Variants in RALGPS2 observed in about 807,000 individuals in gnomAD.
RALGPS2 encodes the protein Ral GEF with PH domain and SH3 binding motif 2.
In RALGPS2, 43 loss-of-function variants were observed where a neutral mutation model predicts 86.8. The ratio of observed to expected loss-of-function variants is 0.50; its 90% CI spans 0.39 to 0.64. The LOEUF (loss-of-function observed/expected upper bound fraction) is 0.64. Ranked by LOEUF, RALGPS2 falls within the 30% of genes least tolerant of loss-of-function variation. The pLI, the probability that RALGPS2 is intolerant of heterozygous loss-of-function variation, is 0.00. For missense variants in RALGPS2, 536 were observed against 694.6 expected (o/e 0.77, Z 2.57); for synonymous variants, 243 against 231.3 (o/e 1.05, Z -0.46).
intron 2 of RALGPS2, among the ~76,000 whole-genome samples, chr1:178,783,297 A>G (rs577823275): frequency 1.6e-4 from 24 of 152,300 alleles, no homozygotes; most frequent in African/African-American, 5.8e-4. Flanking sequence ...AAGACTTGTC[A>G]GTAAAACTTC....
At chr1:178,818,765 C>T (rs1357859487) in intron 6 of RALGPS2, among the ~76,000 whole-genome samples, 1 of 152,174 alleles carries the variant, frequency 6.6e-6, no homozygotes, top group East Asian at 1.9e-4. Context: ...CGTATGCCCT[C>T]AGGGAGGAAA....
intron 4 of RALGPS2, among the ~76,000 whole-genome samples, chr1:178,790,634 C>T (rs1045767428): frequency 6.6e-5 from 10 of 152,180 alleles, no homozygotes; most frequent in African/African-American, 2.4e-4. Context: ...TCGTAGCATG[C>T]TTTTGATGTT....
rs76931479 is a variant in RALGPS2 at position 178,745,561 on chromosome 1, A to G, written c.-84+20142A>G. Among the ~76,000 whole-genome samples the G allele has an allele frequency of 9.4e-4, 143 of 152,306 alleles. 3 individuals carry two copies. In the East Asian group the frequency reaches 0.025, roughly 26 times the overall value. ...ATTCAACAAATAATGCTGGCACAAAATGGATATCCAAATGCAAACAAATGA... is the reference window on the plus strand; with the variant it reads ...ATTCAACAAATAATGCTGGCACAAAGTGGATATCCAAATGCAAACAAATGA... On this transcript the variant is annotated intron_variant, in intron 1 of 19. Coordinates refer to ENST00000367635, the MANE Select transcript of RALGPS2 (RefSeq NM_152663.5).
At chr1:178,883,074 G>A (rs554057744) in intron 10 of RALGPS2, among the ~76,000 whole-genome samples, 1 of 152,198 alleles carries the variant, frequency 6.6e-6, no homozygotes, top group South Asian at 2.1e-4. Context: ...GGGGTAATTG[G>A]GGAGATTTTT....
intron 4 of RALGPS2, among the ~76,000 whole-genome samples, chr1:178,797,994 A>G (rs1654282219): frequency 6.6e-6 from 1 of 151,436 alleles, no homozygotes; most frequent in Admixed American, 6.6e-5. Context: ...GTAAAAAAAA[A>G]AAAAAAAAAA....
intron 9 of RALGPS2, among the ~76,000 whole-genome samples, chr1:178,878,195 C>G (rs1028331346): frequency 2.0e-5 from 3 of 151,968 alleles, no homozygotes; most frequent in African/African-American, 7.2e-5. Flanking sequence ...ATAGAAACAG[C>G]TACATAAGCC....
intron 8 of RALGPS2, among the ~76,000 whole-genome samples, chr1:178,837,818 C>T (rs1023839909): frequency 1.3e-5 from 2 of 152,184 alleles, no homozygotes; most frequent in African/African-American, 4.8e-5. Context: ...AAAATCGGGT[C>T]ACTCCCACCC....
chr1:178,886,070 C>A lies in RALGPS2; in HGVS notation c.1142C>A (p.Pro381Gln), dbSNP rs1659467805. The change falls in exon 13 of 20, where the codon CCA (proline) becomes CAA (glutamine). Residue 381 changes from proline to glutamine, a missense_variant. Pro to Gln is a moderately conservative substitution (Grantham distance 76). This residue lies in a region of RALGPS2 where 309 missense variants were observed against 363.0 expected (regional missense o/e 0.85). Transcript: ENST00000367635. ...LDDSVMEPHA[P>Q]SRGQAESSTL... ...GATAGCGTCATGGAGCCCCATGCGC[C>A]ATCTCGAGGCCAAGCTGAAAGTTCT... The A allele has an allele frequency of 1.2e-6, 2 of 1,613,450 alleles. No homozygotes were observed. Among genetic ancestry groups the A allele is most frequent in the Non-Finnish European group, 1.7e-6 (2 of 1,179,814 alleles).
chr1:178,859,364 A>G (rs1249238947), intron 8 of RALGPS2, among the ~76,000 whole-genome samples: 1 of 151,044 alleles, frequency 6.6e-6, no homozygotes, highest in Non-Finnish European at 1.5e-5. Context: ...ACTAAAAAGC[A>G]TATTTTTAGT....
intron 4 of RALGPS2, among the ~76,000 whole-genome samples, chr1:178,793,004 C>T (rs112821161): frequency 6.6e-6 from 1 of 152,144 alleles, no homozygotes; most frequent in Non-Finnish European, 1.5e-5. Flanking sequence ...CTGCCCCTCC[C>T]CCTTTGTAAA....
chr1:178,895,140 C>T (rs1659886096), intron 16 of RALGPS2, among the ~76,000 whole-genome samples: 1 of 151,950 alleles, frequency 6.6e-6, no homozygotes, highest in African/African-American at 2.4e-5. Context: ...TCCTCAACAC[C>T]AGCATAGTAG....
chr1:178,861,491 A>G (rs545217584), intron 8 of RALGPS2, among the ~76,000 whole-genome samples: 1 of 152,018 alleles, frequency 6.6e-6, no homozygotes, highest in African/African-American at 2.4e-5. Context: ...AATAAAACAT[A>G]GAATTGGTAT....
chr1:178,784,548 C>T (rs200581133), intron 3 of RALGPS2, 26 bp downstream of exon 3: 75 of 1,500,194 alleles, frequency 5.0e-5, no homozygotes, highest in East Asian at 1.6e-4. Context: ...CTGTCTTCTC[C>T]GGTTTTGCAC....
rs1253581999 is a variant in RALGPS2 at position 178,847,705 on chromosome 1, G to T, written c.607+14155G>T. Among the ~76,000 whole-genome samples the T allele has an allele frequency of 2.6e-5, 4 of 152,094 alleles. No individual in the cohort carries two copies. In the East Asian group the frequency reaches 5.8e-4, roughly 22 times the overall value. On this transcript the variant is annotated intron_variant, in intron 8 of 19. Transcript: ENST00000367635. ...TTAAAATGTTTTTATGATTGTGGAA[G>T]GTTTATTCTGCTGCTTATATTACCA...
chr1:178,733,007 C>T (rs983130295), intron 1 of RALGPS2, among the ~76,000 whole-genome samples: 3 of 152,076 alleles, frequency 2.0e-5, no homozygotes, highest in East Asian at 3.9e-4. Context: ...TTCAAAGTTT[C>T]GCTGACTTCA....
chr1:178,733,746 A>G (rs1650525181), intron 1 of RALGPS2, among the ~76,000 whole-genome samples: 1 of 152,242 alleles, frequency 6.6e-6, no homozygotes, highest in African/African-American at 2.4e-5. Flanking sequence ...ATATGTGTGC[A>G]TCAGAGGACA....
intron 8 of RALGPS2, among the ~76,000 whole-genome samples, chr1:178,839,376 G>C (rs1235002551): frequency 1.3e-5 from 2 of 152,260 alleles, no homozygotes; most frequent in Admixed American, 6.5e-5. Flanking sequence ...TTAAAGAAAA[G>C]AATTTTCAAC....
intron 8 of RALGPS2, among the ~76,000 whole-genome samples, chr1:178,851,900 AG>A (rs1043822398): frequency 6.6e-6 from 1 of 152,084 alleles, no homozygotes; most frequent in African/African-American, 2.4e-5. Flanking sequence ...GGAGGGGAGG[AG>A]GGGATCTCTG....
chr1:178,751,271 T>TC (rs1441109123), intron 1 of RALGPS2, among the ~76,000 whole-genome samples: 1 of 152,122 alleles, frequency 6.6e-6, no homozygotes, highest in Non-Finnish European at 1.5e-5. Flanking sequence ...ACCATAAATT[T>TC]CCCTTCCATA....
Sources: gnomAD v4.1 joint callset for allele counts (sites outside exome capture counted in the v4.1 genomes callset) on GRCh38, gnomAD v4.1.1 for gene constraint, gnomAD v4.1.1 regional missense constraint, MANE v1.5 for transcripts, NCBI Gene and HGNC (gene_info 2026-07-23, HGNC 2026-07-21) for gene names.